The following FOXL1 variants were observed in gnomAD, a reference collection of about 807,000 sequenced individuals.
The protein encoded by FOXL1 is forkhead box L1, also known as forkhead box protein L1.
In FOXL1, 2 loss-of-function variants were observed where a neutral mutation model predicts 1.7. The ratio of observed to expected loss-of-function variants is 1.21; its 90% CI spans 0.49 to 3.80. The LOEUF is 3.80. Ranked by LOEUF, FOXL1 falls within the 30% of genes most tolerant of loss-of-function variation. FOXL1 has a pLI of 0.07. For missense variants in FOXL1, 565 were observed against 495.8 expected (o/e 1.14, Z -1.32); for synonymous variants, 280 against 229.3 (o/e 1.22, Z -2.00).
rs1351631138 is a variant in FOXL1, at chr16:86,578,939, C to T, written c.216C>T (p.Leu72=). The change falls in exon 1 of 1, where the codon CTC becomes CTT. Residue 72 remains leucine, a synonymous_variant. Coordinates refer to ENST00000320241, the MANE Select transcript of FOXL1 (RefSeq NM_005250.3). ...ACGCGCCCGAGCAGAGGGTCACGCT[C>T]AACGGCATCTACCAGTTCATCATGG... ...IQDAPEQRVT[L]NGIYQFIMDR... is the part of the protein sequence containing the mutation. The T allele has an allele frequency of 6.2e-7, 1 of 1,614,198 alleles. No homozygotes were observed. The highest frequency in any genetic ancestry group is 8.5e-7 in the Non-Finnish European group (1 of 1,180,004).
In FOXL1 at chr16:86,579,698, C is replaced by T. The variant is rs773665323; in HGVS notation, c.975C>T (p.Leu325=). The T allele has an allele frequency of 5.6e-6, 9 of 1,605,144 alleles. No homozygotes were observed. Among genetic ancestry groups the T allele is most frequent in the African/African-American group, 1.3e-5 (1 of 74,838 alleles). ...ATGTCCAGGGCGGCTTTTACCAGCT[C>T]GGGATCCCCTTCCTCTCTTATTTCC... is the stretch of plus-strand genomic sequence containing the variant. ...DPHVQGGFYQ[L]GIPFLSYFPL... is the part of the protein sequence containing the mutation. Residue 325 remains leucine, a synonymous_variant, in exon 1 of 1, where the codon CTC becomes CTT. Coordinates refer to ENST00000320241, the MANE Select transcript of FOXL1 (RefSeq NM_005250.3).
rs534992920 is a variant in FOXL1 at position 86,578,566 on chromosome 16, G to A, written c.-158G>A. The A allele has an allele frequency of 6.6e-6, 4 of 604,420 alleles. No homozygotes were observed. In the Admixed American group the frequency reaches 1.2e-4, roughly 18 times the overall value. 37.4% of individuals were successfully genotyped at this position (604,420 alleles called of 1,614,324 possible). The stretch of plus-strand genomic sequence containing the variant: ...AATTATTTAACATTTTTAAAGCCAT[G>A]AAGAAGGGACAGAGCACGGAGCGGC... On this transcript the variant is annotated 5_prime_UTR_variant, in exon 1 of 1. It removes an upstream start codon present in the reference 5' UTR. Coordinates refer to ENST00000320241, the MANE Select transcript of FOXL1 (RefSeq NM_005250.3).
Position 86,580,009 on chromosome 16 carries a change from C to T in FOXL1, c.*248C>T, listed in dbSNP as rs1445011516. ...TCCCCGCGGGGTCGTGGGCACCGCACGTGGGCCCTGCAGGGACCTCCACCG... is the reference window on the plus strand; with the variant it reads ...TCCCCGCGGGGTCGTGGGCACCGCATGTGGGCCCTGCAGGGACCTCCACCG... On this transcript the variant is annotated 3_prime_UTR_variant, in exon 1 of 1. Transcript: ENST00000320241. 8.8e-6 allele frequency: 5 copies of T among 568,642 alleles called. No individual in the cohort carries two copies. In the South Asian group the frequency reaches 1.1e-4, roughly 12 times the overall value. 35.2% of individuals were successfully genotyped at this position (568,642 alleles called of 1,614,324 possible).
In FOXL1 at chr16:86,579,333, G is replaced by T. The variant is rs542168189; in HGVS notation, c.610G>T (p.Ala204Ser). 1.2e-3 allele frequency: 1,793 copies of T among 1,463,274 alleles called. 20 individuals are homozygous for T. In the African/African-American group the frequency reaches 0.024, roughly 19 times the overall value. 90.6% of individuals were successfully genotyped at this position (1,463,274 alleles called of 1,614,324 possible). The change falls in exon 1 of 1, where the codon GCG becomes TCG. Residue 204 changes from alanine to serine, a missense_variant. Physicochemically the swap from Ala to Ser is moderately conservative, Grantham distance 99. Coordinates refer to ENST00000320241, the MANE Select transcript of FOXL1 (RefSeq NM_005250.3). ...SPLLDGPSPP[A>S]PLHWPGTASP... ...CCTCCTGGACGGCCCCTCTCCGCCG[G>T]CGCCCCTCCACTGGCCGGGGACCGC...
In FOXL1 at chr16:86,579,479, G is replaced by A. The variant is rs781561694; in HGVS notation, c.756G>A (p.Pro252=). ...SPLRPASRSS[P]KSSDKSKSFS... The stretch of plus-strand genomic sequence containing the variant: ...TGCGCCCCGCCTCCCGCAGCTCTCC[G>A]AAGAGCTCCGACAAGTCCAAGAGCT... The change falls in exon 1 of 1, where the codon CCG becomes CCA. Residue 252 remains proline (P), a synonymous_variant. Transcript: ENST00000320241. 6.4e-7 allele frequency: 1 copy of A among 1,570,720 alleles called. No homozygotes were observed.
At position 86,578,656 on chromosome 16, in the gene FOXL1, G is replaced by T; in HGVS notation, c.-68G>T. On this transcript the variant is annotated 5_prime_UTR_variant, in exon 1 of 1. Transcript: ENST00000320241. ...CTCCCCGGGAGGGCCCTTGCGGCGC[G>T]GGGCGCAGTGCCTAGGCCGCCCGGG... 7.0e-7 allele frequency: 1 copy of T among 1,426,660 alleles called. No homozygotes were observed. Among genetic ancestry groups the T allele is most frequent in the African/African-American group, 1.4e-5 (1 of 70,114 alleles). 88.4% of individuals were successfully genotyped at this position (1,426,660 alleles called of 1,614,324 possible). A position where few individuals can be genotyped will look rare whatever the true frequency, so the allele number is the denominator to read the frequency against.
chr16:86,581,516 A>G lies in FOXL1; in HGVS notation c.*1755A>G, dbSNP rs965007119. On this transcript the variant is annotated 3_prime_UTR_variant, in exon 1 of 1. Transcript: ENST00000320241. ...TCCACGACTGGGTTCTACCCAGGCC[A>G]GTGGGAAGACTCTGGGAAACTTCAG... 1.8e-5 allele frequency: 3 copies of G among 167,116 alleles called. No homozygotes were observed. Among genetic ancestry groups the G allele is most frequent in the Admixed American group, 1.3e-4 (2 of 15,292 alleles). The allele number at this position is 167,116 out of a possible 1,614,324, so 10.4% of individuals were successfully genotyped here.
In FOXL1 at chr16:86,581,796, G is replaced by A. The variant is rs1974416663; in HGVS notation, c.*2035G>A. On this transcript the variant is annotated 3_prime_UTR_variant, in exon 1 of 1. Transcript: ENST00000320241. ...TCTGGGAGTCGTGTTAGCATCTCAG[G>A]AGGCTCTGGCTTCTGAGGGGTAAAC... 6.0e-6 allele frequency: 1 copy of A among 166,210 alleles called. No homozygotes were observed. Among genetic ancestry groups the A allele is most frequent in the African/African-American group, 2.4e-5 (1 of 41,466 alleles). 10.3% of individuals were successfully genotyped at this position (166,210 alleles called of 1,614,324 possible).
At position 86,579,349 on chromosome 16, in the gene FOXL1, C is replaced by T; in HGVS notation, c.626C>T (p.Pro209Leu). 4 of 1,492,534 alleles carry T rather than the reference C, an allele frequency of 2.7e-6. No individual in the cohort carries two copies. The highest frequency in any genetic ancestry group is 3.5e-6 in the Non-Finnish European group (4 of 1,129,458). The allele number at this position is 1,492,534 out of a possible 1,614,324, so 92.5% of individuals were successfully genotyped here. ...GPSPPAPLHW[P>L]GTASPNEDAG... ...TCTCCGCCGGCGCCCCTCCACTGGCCGGGGACCGCGTCCCCGAACGAGGAC... is the reference window on the plus strand; with the variant it reads ...TCTCCGCCGGCGCCCCTCCACTGGCTGGGGACCGCGTCCCCGAACGAGGAC... The change falls in exon 1 of 1, where the codon CCG (proline) becomes CTG (leucine). Residue 209 changes from proline (P) to leucine (L), a missense_variant. Transcript: ENST00000320241.
At position 86,582,091 on chromosome 16, in the gene FOXL1, CAG is replaced by C. The variant is rs374278383; in HGVS notation, c.*2332_*2333del. 22 of 151,772 alleles carry C rather than the reference CAG, an allele frequency of 1.4e-4. No homozygotes were observed. In the East Asian group the frequency reaches 4.3e-3, roughly 29 times the overall value. 9.4% of individuals were successfully genotyped at this position (151,772 alleles called of 1,614,324 possible). ...TTGTACGAATGTTACTTTTATGACA[CAG>C]AAAAAATGCAGATGTATCCACTTTG... On this transcript the variant is annotated 3_prime_UTR_variant, in exon 1 of 1. Transcript: ENST00000320241.
chr16:86,579,878 T>G lies in FOXL1; in HGVS notation c.*117T>G, dbSNP rs1186684701. The G allele has an allele frequency of 3.8e-6, 4 of 1,049,150 alleles. No homozygotes were observed. In the South Asian group the frequency reaches 6.4e-5, roughly 17 times the overall value. 65.0% of individuals were successfully genotyped at this position (1,049,150 alleles called of 1,614,324 possible). A position where few individuals can be genotyped will look rare whatever the true frequency, so the allele number is the denominator to read the frequency against. ...ATCTTTGCCTGGGTCGGCCTGTGGG[T>G]TCAGGGAAGTGTTACCAACCATTGC... On this transcript the variant is annotated 3_prime_UTR_variant, in exon 1 of 1. Transcript: ENST00000320241.
rs535204940 is a variant in FOXL1 at position 86,579,628 on chromosome 16, C to G, written c.905C>G (p.Ser302Cys). ...GGTGCCTCGCTCCTGGCCGCCTCCTCCAGCCTCCGTCCGCCTTTCAACGCT... is the reference window on the plus strand; with the variant it reads ...GGTGCCTCGCTCCTGGCCGCCTCCTGCAGCCTCCGTCCGCCTTTCAACGCT... Reference protein sequence around the residue: ...RLGASLLAASSSLRPPFNASL... With the variant: ...RLGASLLAASCSLRPPFNASL... Residue 302 changes from serine to cysteine, a missense_variant, in exon 1 of 1, where the codon TCC becomes TGC. Physicochemically the swap from Ser to Cys is moderately radical, Grantham distance 112 (BLOSUM62 -1). Transcript: ENST00000320241. 2.0e-5 allele frequency: 32 copies of G among 1,613,582 alleles called. No homozygotes were observed. The highest frequency in any genetic ancestry group is 2.7e-5 in the African/African-American group (2 of 75,068).
Position 86,579,084 on chromosome 16 carries a change from A to G in FOXL1, c.361A>G (p.Ser121Gly), listed in dbSNP as rs774849120. ...PREKGRPGKG[S>G]YWTLDPRCLD... The stretch of plus-strand genomic sequence containing the variant: ...CGAGAAAGGGCGGCCGGGCAAGGGC[A>G]GCTACTGGACGCTGGACCCCCGCTG... Residue 121 changes from serine to glycine, a missense_variant, in exon 1 of 1, where the codon AGC becomes GGC. Transcript: ENST00000320241. 87 of 1,614,066 alleles carry G rather than the reference A, an allele frequency of 5.4e-5. 1 individual carries two copies. In the Admixed American group the frequency reaches 1.4e-3, roughly 27 times the overall value.
rs1235674126 is a variant in FOXL1, at chr16:86,579,879, T to C, written c.*118T>C. On this transcript the variant is annotated 3_prime_UTR_variant, in exon 1 of 1. Coordinates refer to ENST00000320241, the MANE Select transcript of FOXL1 (RefSeq NM_005250.3). The stretch of plus-strand genomic sequence containing the variant: ...TCTTTGCCTGGGTCGGCCTGTGGGT[T>C]CAGGGAAGTGTTACCAACCATTGCG... 8 of 1,050,284 alleles carry C rather than the reference T, an allele frequency of 7.6e-6. No homozygotes were observed. The highest frequency in any genetic ancestry group is 3.2e-5 in the African/African-American group (2 of 62,656). The allele number at this position is 1,050,284 out of a possible 1,614,324, so 65.1% of individuals were successfully genotyped here.
At position 86,580,462 on chromosome 16, in the gene FOXL1, A is replaced by G; in HGVS notation, c.*701A>G. Reference sequence around the variant, plus strand: ...AATTTCTTTCTGGGTAGTAAAAAGAACATGTTTCATTCTTTGCATAAATAC... The same window carrying G: ...AATTTCTTTCTGGGTAGTAAAAAGAGCATGTTTCATTCTTTGCATAAATAC... On this transcript the variant is annotated 3_prime_UTR_variant, in exon 1 of 1. Transcript: ENST00000320241. The G allele has an allele frequency of 6.0e-6, 1 of 167,192 alleles. No homozygotes were observed. The allele number at this position is 167,192 out of a possible 1,614,324, so 10.4% of individuals were successfully genotyped here.
In FOXL1 at chr16:86,578,754, G is replaced by A. The variant is rs779734117; in HGVS notation, c.31G>A (p.Ala11Thr). The change falls in exon 1 of 1, where the codon GCC (alanine) becomes ACC (threonine). Residue 11 changes from alanine to threonine, a missense_variant. Ala to Thr is a moderately conservative substitution (Grantham distance 58). Coordinates refer to ENST00000320241, the MANE Select transcript of FOXL1 (RefSeq NM_005250.3). MSHLFDPRLP[A>T]LAASPMLYLY... ...TCACCTCTTCGATCCCCGGCTGCCT[G>A]CCCTGGCCGCCTCGCCCATGCTGTA... 2 of 1,608,204 alleles carry A rather than the reference G, an allele frequency of 1.2e-6. No individual in the cohort carries two copies. Among genetic ancestry groups the A allele is most frequent in the East Asian group, 2.2e-5 (1 of 44,662 alleles).
chr16:86,579,434 G>A lies in FOXL1; in HGVS notation c.711G>A (p.Gly237=), dbSNP rs1356803339. ...CGGTCGGCCAGGCAGCGCGCACAGG[G>A]GACGGCCCGGGGTCCCCTCTGCGCC... ...AVAVGQAART[G]DGPGSPLRPA... The change falls in exon 1 of 1, where the codon GGG becomes GGA. Residue 237 remains glycine, a synonymous_variant. Transcript: ENST00000320241. The A allele has an allele frequency of 6.5e-7, 1 of 1,546,722 alleles. No homozygotes were observed. Among genetic ancestry groups the A allele is most frequent in the Admixed American group, 2.0e-5 (1 of 50,888 alleles).
Position 86,580,042 on chromosome 16 carries a change from T to C in FOXL1, c.*281T>C. ...CTGCAGGGACCTCCACCGCGGGAGA[T>C]TCCTTGACGTTTGACCTGTCTAATG... On this transcript the variant is annotated 3_prime_UTR_variant, in exon 1 of 1. Coordinates refer to ENST00000320241, the MANE Select transcript of FOXL1 (RefSeq NM_005250.3). 1 of 499,040 alleles carries C rather than the reference T, an allele frequency of 2.0e-6. No homozygotes were observed. The highest frequency in any genetic ancestry group is 3.8e-6 in the Non-Finnish European group (1 of 266,584). 30.9% of individuals were successfully genotyped at this position (499,040 alleles called of 1,614,324 possible). A position where few individuals can be genotyped will look rare whatever the true frequency, so the allele number is the denominator to read the frequency against.
rs1258990180 is a variant in FOXL1, at chr16:86,579,036, G to C, written c.313G>C (p.Asp105His). ...CATCCGCCACAACCTCTCGCTCAACGACTGCTTCGTCAAGGTGCCCCGCGA... is the reference window on the plus strand; with the variant it reads ...CATCCGCCACAACCTCTCGCTCAACCACTGCTTCGTCAAGGTGCCCCGCGA... ...NSIRHNLSLN[D>H]CFVKVPREKG... The change falls in exon 1 of 1, where the codon GAC becomes CAC. Residue 105 changes from aspartate to histidine, a missense_variant. Coordinates refer to ENST00000320241, the MANE Select transcript of FOXL1 (RefSeq NM_005250.3). The C allele has an allele frequency of 1.1e-5, 17 of 1,614,084 alleles. No homozygotes were observed. The highest frequency in any genetic ancestry group is 1.7e-5 in the Admixed American group (1 of 60,036).
Sources: gnomAD v4.1 joint callset for allele counts on GRCh38, gnomAD v4.1.1 for gene constraint, MANE v1.5 for transcripts, NCBI Gene and HGNC (gene_info 2026-07-23, HGNC 2026-07-21) for gene names.